The following IL26 variants were observed in gnomAD, a reference collection of about 807,000 sequenced individuals.
IL26 encodes interleukin-26.
A neutral mutation model predicts 21.7 loss-of-function variants in IL26; 23 were observed. That is an observed-to-expected ratio of 1.06 (90% CI 0.76 to 1.50). The LOEUF (loss-of-function observed/expected upper bound fraction) is 1.50, where lower values mean the gene tolerates loss of function less well. Among genes scored for constraint, IL26 ranks in the 40% most tolerant of loss-of-function variants. The pLI is 0.00. For synonymous variants in IL26, 63 were observed against 67.8 expected, an observed-to-expected ratio of 0.93 and a Z score of 0.34; for missense variants, 204 against 196.0, an observed-to-expected ratio of 1.04 and a Z score of -0.24.
intron 3 of IL26, among the ~76,000 whole-genome samples, chr12:68,209,931 G>C (rs899156920): frequency 6.6e-6 from 1 of 152,094 alleles, no homozygotes; most frequent in Admixed American, 6.5e-5. Flanking sequence ...CAGCCAGAGG[G>C]TAAGTGAAAA....
intron 3 of IL26, among the ~76,000 whole-genome samples, chr12:68,219,768 T>C (rs960808164): frequency 6.6e-6 from 1 of 151,760 alleles, no homozygotes; most frequent in African/African-American, 2.4e-5. Flanking sequence ...GAAAAATCAA[T>C]GAAACTAAAA....
intron 3 of IL26, among the ~76,000 whole-genome samples, chr12:68,224,538 TAAGTA>T (rs1869173223): frequency 6.7e-6 from 1 of 149,104 alleles, no homozygotes; most frequent in Non-Finnish European, 1.5e-5. Context: ...TTTAAAAACA[TAAGTA>T]AATAAGAAAA....
chr12:68,202,108 A>G (rs1207933130), intron 3 of IL26, 25 bp from the exon 4 acceptor site: 4 of 1,441,062 alleles, frequency 2.8e-6, no homozygotes, highest in Non-Finnish European at 3.8e-6. Flanking sequence ...GTAATTACAG[A>G]TAATATTGTT....
chr12:68,214,093 C>A (rs1292063553), intron 3 of IL26, among the ~76,000 whole-genome samples: 1 of 152,016 alleles, frequency 6.6e-6, no homozygotes, highest in Non-Finnish European at 1.5e-5. Context: ...AAATTTCCAT[C>A]GTAATATATT....
intron 3 of IL26, among the ~76,000 whole-genome samples, chr12:68,209,554 C>G (rs1466489422): frequency 6.6e-6 from 1 of 152,100 alleles, no homozygotes; most frequent in Admixed American, 6.5e-5. Context: ...CTATCCTAGC[C>G]CCTACGGGTT....
intron 3 of IL26, among the ~76,000 whole-genome samples, chr12:68,204,312 T>C (rs1402585785): frequency 2.0e-5 from 3 of 151,738 alleles, no homozygotes; most frequent in African/African-American, 7.3e-5. Flanking sequence ...CCCGGCTGAT[T>C]TTTTGTATTT....
intron 3 of IL26, among the ~76,000 whole-genome samples, chr12:68,205,167 T>A (rs1868501847): frequency 6.6e-6 from 1 of 152,140 alleles, no homozygotes; most frequent in Non-Finnish European, 1.5e-5. Flanking sequence ...CAATATATAT[T>A]TATCACATAC....
chr12:68,209,979 T>C (rs1447375587), intron 3 of IL26, among the ~76,000 whole-genome samples: 1 of 152,154 alleles, frequency 6.6e-6, no homozygotes, highest in African/African-American at 2.4e-5. Context: ...GACCTCAATA[T>C]ACAACTTCAG....
intron 3 of IL26, among the ~76,000 whole-genome samples, chr12:68,204,398 C>G (rs1380378300): frequency 6.6e-6 from 1 of 152,116 alleles, no homozygotes; most frequent in African/African-American, 2.4e-5. Flanking sequence ...CCGCCTCGGC[C>G]TCCCAAAGTG....
At chr12:68,202,442 C>T (rs1462132466) in intron 3 of IL26, among the ~76,000 whole-genome samples, 2 of 152,174 alleles carry the variant, frequency 1.3e-5, no homozygotes, top group South Asian at 2.1e-4. Flanking sequence ...AAATAACTAC[C>T]CGAGACTGGG....
In IL26 at chr12:68,201,767, T is replaced by C. The variant is rs1868395134; in HGVS notation, c.*78A>G. On this transcript the variant is annotated 3_prime_UTR_variant, in exon 5 of 5. Coordinates refer to ENST00000229134, the MANE Select transcript of IL26 (RefSeq NM_018402.2). ...TATGTTAAAAAGTTTTTAAAAGAAA[T>C]AGACTGTTATAAACATATTTCTAGC... is the stretch of plus-strand genomic sequence containing the variant. The C allele has an allele frequency of 2.1e-6, 2 of 975,108 alleles. No individual in the cohort carries two copies. The highest frequency in any genetic ancestry group is 1.8e-5 in the South Asian group (1 of 54,520). 60.4% of individuals were successfully genotyped at this position (975,108 alleles called of 1,614,324 possible).
rs948812333 is a variant in IL26 at position 68,201,708 on chromosome 12, G to C, written c.*137C>G. ...AACGTTAATTTACTAAATCCTTCTT[G>C]TCTATTCTGAATCACCTAACATGCC... On this transcript the variant is annotated 3_prime_UTR_variant, in exon 5 of 5. Coordinates refer to ENST00000229134, the MANE Select transcript of IL26 (RefSeq NM_018402.2). 1.9e-6 allele frequency: 1 copy of C among 515,704 alleles called. No homozygotes were observed. Among genetic ancestry groups the C allele is most frequent in the Admixed American group, 3.8e-5 (1 of 26,416 alleles). 31.9% of individuals were successfully genotyped at this position (515,704 alleles called of 1,614,324 possible). A position where few individuals can be genotyped will look rare whatever the true frequency, so the allele number is the denominator to read the frequency against.
At chr12:68,210,055 T>G (rs568921304) in intron 3 of IL26, among the ~76,000 whole-genome samples, 212 of 151,880 alleles carry the variant, frequency 1.4e-3, no homozygotes, top group Non-Finnish European at 2.4e-3. Flanking sequence ...GCTAAGATGG[T>G]TTCTACTGTG....
chr12:68,206,994 A>T (rs1010184023), intron 3 of IL26, among the ~76,000 whole-genome samples: 12 of 152,218 alleles, frequency 7.9e-5, no homozygotes, highest in Non-Finnish European at 1.6e-4. Context: ...TTAAATTGTC[A>T]TATAATGACT....
At chr12:68,214,608 G>A (rs949194586) in intron 3 of IL26, among the ~76,000 whole-genome samples, 1 of 151,900 alleles carries the variant, frequency 6.6e-6, no homozygotes, top group African/African-American at 2.4e-5. Flanking sequence ...CTCTTTTTAC[G>A]GACTTTGGCT....
chr12:68,223,226 G>A (rs1869111421), intron 3 of IL26, among the ~76,000 whole-genome samples: 1 of 152,152 alleles, frequency 6.6e-6, no homozygotes, highest in African/African-American at 2.4e-5. Flanking sequence ...CACACTGATA[G>A]GCTTGAGGTG....
intron 3 of IL26, among the ~76,000 whole-genome samples, chr12:68,207,127 G>A (rs1398126046): frequency 6.6e-6 from 1 of 152,172 alleles, no homozygotes; most frequent in East Asian, 1.9e-4. Flanking sequence ...AAAAGTGCAA[G>A]GTTTTCACAC....
intron 3 of IL26, among the ~76,000 whole-genome samples, chr12:68,221,383 T>A (rs1334391138): frequency 6.6e-6 from 1 of 152,112 alleles, no homozygotes; most frequent in Non-Finnish European, 1.5e-5. Context: ...CAAGTGCAAA[T>A]CCATACCCTC....
At chr12:68,216,040 C>T (rs989771411) in intron 3 of IL26, among the ~76,000 whole-genome samples, 4 of 151,078 alleles carry the variant, frequency 2.6e-5, no homozygotes, top group African/African-American at 7.3e-5. Flanking sequence ...CGCCTGTAAT[C>T]CCAGCACTTT....
Sources: gnomAD v4.1 joint callset for allele counts (sites outside exome capture counted in the v4.1 genomes callset) on GRCh38, gnomAD v4.1.1 for gene constraint, MANE v1.5 for transcripts, NCBI Gene and HGNC (gene_info 2026-07-23, HGNC 2026-07-21) for gene names.